Variants in ALMS1 observed in about 807,000 individuals in gnomAD.
ALMS1 encodes the protein ALMS1 centrosome and basal body associated protein.
A neutral mutation model predicts 352.2 loss-of-function variants in ALMS1; 271 were observed. The ratio of observed to expected loss-of-function variants is 0.77; its 90% CI spans 0.70 to 0.85. ALMS1 has a LOEUF of 0.85. Ranked by LOEUF, ALMS1 falls within the 40% of genes least tolerant of loss-of-function variation. ALMS1 has a pLI of 0.00. For missense variants in ALMS1, 5,445 were observed against 4,870.7 expected (o/e 1.12, Z -3.51); for synonymous variants, 1,865 against 1,761.2 (o/e 1.06, Z -1.48).
chr2:73,455,307 A>G lies in ALMS1; in HGVS notation c.7674+12A>G. 6.2e-7 allele frequency: 1 copy of G among 1,613,838 alleles called. No homozygotes were observed. Among genetic ancestry groups the G allele is most frequent in the Non-Finnish European group, 8.5e-7 (1 of 1,179,886 alleles). On this transcript the variant is annotated intron_variant, in intron 9 of 22. Coordinates refer to ENST00000613296, the MANE Select transcript of ALMS1 (RefSeq NM_001378454.1). ...CTGACTTGTCCAAGGTATAAAAGAA[A>G]TCTGGAAATGAAGAAAGTAAATATG...
rs1429744891 is a variant in ALMS1 at position 73,450,108 on chromosome 2, A to G, written c.3581A>G (p.Gln1194Arg). ...IPRVLSTFYS[Q>R]REKPGIFYQQ... ...AGAGTACTTTCTACCTTCTACTCAC[A>G]AAGAGAGAAACCTGGTATTTTCTAT... The change falls in exon 8 of 23, where the codon CAA becomes CGA. Residue 1194 changes from glutamine (Q) to arginine (R), a missense_variant. Transcript: ENST00000613296. 6.2e-7 allele frequency: 1 copy of G among 1,613,914 alleles called. No individual in the cohort carries two copies. The highest frequency in any genetic ancestry group is 8.5e-7 in the Non-Finnish European group (1 of 1,179,974).
intron 15 of ALMS1, among the ~76,000 whole-genome samples, chr2:73,571,705 G>A (rs1674930868): frequency 6.6e-6 from 1 of 151,988 alleles, no homozygotes; most frequent in Non-Finnish European, 1.5e-5. Context: ...TAAATTTTAT[G>A]TGTTTTTTAC....
chr2:73,601,512 G>T (rs1573054583), intron 19 of ALMS1, 76 bp downstream of exon 19: 1 of 1,569,902 alleles, frequency 6.4e-7, no homozygotes, highest in African/African-American at 1.4e-5. Context: ...CTGGCTCTGT[G>T]ACTTGGTGAG....
chr2:73,385,829 C>T (rs756389923), upstream of ALMS1: 13 of 443,890 alleles, frequency 2.9e-5, no homozygotes, highest in Middle Eastern at 6.2e-4. Flanking sequence ...TCCCTCCCCC[C>T]CTCCTCCTCC....
intron 4 of ALMS1, among the ~76,000 whole-genome samples, chr2:73,423,522 A>C (rs1296167126): frequency 6.6e-6 from 1 of 152,180 alleles, no homozygotes; most frequent in African/African-American, 2.4e-5. Flanking sequence ...AAAAGTCTGG[A>C]ATTTTCAAAA....
intron 16 of ALMS1, among the ~76,000 whole-genome samples, chr2:73,581,789 G>A (rs1284190910): frequency 6.6e-6 from 1 of 150,720 alleles, no homozygotes; most frequent in African/African-American, 2.4e-5. Flanking sequence ...CTATTGCCCA[G>A]CCTGGAGTGC....
intron 16 of ALMS1, among the ~76,000 whole-genome samples, chr2:73,583,241 T>G (rs1675228422): frequency 6.6e-6 from 1 of 151,894 alleles, no homozygotes; most frequent in Non-Finnish European, 1.5e-5. Flanking sequence ...TTGTCCATCC[T>G]GGTCTCGAGC....
At chr2:73,529,376 GGTT>G (rs1673861371) in intron 11 of ALMS1, among the ~76,000 whole-genome samples, 2 of 152,126 alleles carry the variant, frequency 1.3e-5, no homozygotes, top group African/African-American at 4.8e-5. Flanking sequence ...TTGTCTGAAA[GGTT>G]CCACATCTCT....
chr2:73,391,568 C>G (rs1315344676), intron 1 of ALMS1, among the ~76,000 whole-genome samples: 1 of 152,188 alleles, frequency 6.6e-6, no homozygotes. Flanking sequence ...GCTGGGATTA[C>G]AGGCTTGAGC....
intron 15 of ALMS1, among the ~76,000 whole-genome samples, chr2:73,568,821 T>TTGCAAA (rs1470692562): frequency 6.6e-6 from 1 of 152,020 alleles, no homozygotes; most frequent in Non-Finnish European, 1.5e-5. Flanking sequence ...GGGGAGAATT[T>TTGCAAA]TGCAAATGTT....
At chr2:73,483,636 TTCTG>T (rs1672761951) in intron 9 of ALMS1, among the ~76,000 whole-genome samples, 1 of 151,582 alleles carries the variant, frequency 6.6e-6, no homozygotes. Context: ...CTTGTTGACT[TTCTG>T]TCTCGTTGAT....
chr2:73,585,069 A>G (rs1427117367), intron 16 of ALMS1, among the ~76,000 whole-genome samples: 1 of 152,222 alleles, frequency 6.6e-6, no homozygotes, highest in Non-Finnish European at 1.5e-5. Flanking sequence ...GCAATTGCGA[A>G]TCATGCTGCT....
intron 11 of ALMS1, among the ~76,000 whole-genome samples, chr2:73,530,048 G>A (rs992377221): frequency 1.3e-5 from 2 of 152,094 alleles, no homozygotes; most frequent in African/African-American, 4.8e-5. Context: ...GGGACACAGA[G>A]CCAAACCATA....
chr2:73,577,680 G>A (rs1016695339), intron 16 of ALMS1, among the ~76,000 whole-genome samples: 2 of 151,966 alleles, frequency 1.3e-5, no homozygotes, highest in Admixed American at 1.3e-4. Flanking sequence ...TGACTGTTTA[G>A]GACAGTGTTG....
chr2:73,505,257 C>T (rs1673297197), intron 10 of ALMS1, among the ~76,000 whole-genome samples: 1 of 152,162 alleles, frequency 6.6e-6, no homozygotes, highest in Non-Finnish European at 1.5e-5. Context: ...GATTGCTGGT[C>T]AAATGGTATT....
In ALMS1 at chr2:73,601,256, T is replaced by C. The variant is rs748382663; in HGVS notation, c.11934T>C (p.Pro3978=). The C allele has an allele frequency of 6.8e-6, 11 of 1,614,192 alleles. No homozygotes were observed. The highest frequency in any genetic ancestry group is 9.3e-6 in the Non-Finnish European group (11 of 1,180,018). The part of the protein sequence containing the change: ...VESRSKKENV[P]NTCGPGISWF... The stretch of plus-strand genomic sequence containing the variant: ...CTAGATCAAAGAAGGAAAACGTGCC[T>C]AACACTTGTGGCCCTGGCATCTCCT... The change falls in exon 19 of 23, where the codon CCT becomes CCC. Residue 3978 remains proline (P), a synonymous_variant. Transcript: ENST00000613296.
At chr2:73,583,891 A>T (rs1397340899) in intron 16 of ALMS1, among the ~76,000 whole-genome samples, 2 of 152,120 alleles carry the variant, frequency 1.3e-5, no homozygotes, top group Non-Finnish European at 2.9e-5. Flanking sequence ...TCCTCTGGTA[A>T]TATGTTTTCA....
At chr2:73,494,716 C>T (rs1329784632) in intron 10 of ALMS1, among the ~76,000 whole-genome samples, 3 of 152,210 alleles carry the variant, frequency 2.0e-5, no homozygotes, top group Non-Finnish European at 4.4e-5. Context: ...CAACAGAGAG[C>T]ACATTATGTT....
At chr2:73,395,873 G>T (rs1236721869) in intron 1 of ALMS1, among the ~76,000 whole-genome samples, 2 of 152,072 alleles carry the variant, frequency 1.3e-5, no homozygotes, top group Admixed American at 1.3e-4. Context: ...TGATCTTAGG[G>T]CAGGGGTGTC....
Sources: gnomAD v4.1 joint callset for allele counts (sites outside exome capture counted in the v4.1 genomes callset) on GRCh38, gnomAD v4.1.1 for gene constraint, MANE v1.5 for transcripts, NCBI Gene and HGNC (gene_info 2026-07-23, HGNC 2026-07-21) for gene names.